The following RORA variants were observed in gnomAD, a reference collection of about 807,000 sequenced individuals.
RORA encodes nuclear receptor ROR-alpha.
RORA carries 7 observed loss-of-function variants against 69.5 expected under a neutral mutation model. That is an observed-to-expected ratio of 0.10 (90% CI 0.06 to 0.19). The LOEUF is 0.19. Ranked by LOEUF, RORA falls within the 10% of genes least tolerant of loss-of-function variation. RORA has a pLI of 1.00. For synonymous variants in RORA, 261 were observed against 240.8 expected (o/e 1.08, Z -0.78); for missense variants, 457 against 663.0 (o/e 0.69, Z 3.41).
At chr15:60,556,194 G>A (rs1229520202) in intron 2 of RORA, among the ~76,000 whole-genome samples, 1 of 152,154 alleles carries the variant, frequency 6.6e-6, no homozygotes, top group Non-Finnish European at 1.5e-5. Context: ...GGAAAAAACG[G>A]ATCTCATCCT....
chr15:60,772,055 A>T (rs928521508), intron 1 of RORA, among the ~76,000 whole-genome samples: 1 of 151,906 alleles, frequency 6.6e-6, no homozygotes, highest in Non-Finnish European at 1.5e-5. Context: ...ATTTATTTTT[A>T]TTTTTATTTA....
chr15:61,218,226 TTAA>T (rs2080059930), intron 1 of RORA, among the ~76,000 whole-genome samples: 1 of 150,942 alleles, frequency 6.6e-6, no homozygotes, highest in African/African-American at 2.4e-5. Flanking sequence ...CACAATGTAA[TTAA>T]TATGTTTTTC....
At chr15:60,498,477 AAAT>A (rs1024979765) in intron 10 of RORA, among the ~76,000 whole-genome samples, 11 of 152,240 alleles carry the variant, frequency 7.2e-5, no homozygotes, top group African/African-American at 2.7e-4. Flanking sequence ...GGTCTGAGCA[AAAT>A]AATAGAGTCA....
At chr15:60,826,601 C>G (rs947910821) in intron 1 of RORA, among the ~76,000 whole-genome samples, 2 of 151,482 alleles carry the variant, frequency 1.3e-5, no homozygotes, top group South Asian at 4.1e-4. Context: ...GCTCCTGCTA[C>G]TAAAACTCAT....
rs2071907952 is a variant in RORA, at chr15:60,762,408, A to G, written c.167-83722T>C. ...ATCAGATGTGAATAACTGAAGACAG[A>G]TGTGCTGTATTTCTATCAAACCAGA... On this transcript the variant is annotated intron_variant, in intron 1 of 10. Transcript: ENST00000335670. Among the ~76,000 whole-genome samples, 2 of 152,210 alleles carry G rather than the reference A, an allele frequency of 1.3e-5. 1 individual carries two copies. The highest frequency in any genetic ancestry group is 4.1e-4 in the South Asian group (2 of 4,832).
At chr15:60,656,826 G>A (rs761932341) in intron 2 of RORA, among the ~76,000 whole-genome samples, 7 of 152,194 alleles carry the variant, frequency 4.6e-5, no homozygotes, top group Non-Finnish European at 1.0e-4. Context: ...GGAGGCCAAG[G>A]CCTCTTTCCT....
intron 1 of RORA, among the ~76,000 whole-genome samples, chr15:60,817,378 T>C (rs2072832874): frequency 6.6e-6 from 1 of 152,248 alleles, no homozygotes; most frequent in Non-Finnish European, 1.5e-5. Flanking sequence ...GAGCACATGC[T>C]TTTGGAAAAA....
chr15:60,895,956 C>T (rs1891221778), intron 1 of RORA, among the ~76,000 whole-genome samples: 1 of 152,134 alleles, frequency 6.6e-6, no homozygotes, highest in Non-Finnish European at 1.5e-5. Context: ...ACTGCTAATC[C>T]CAAACCTTTT....
intron 1 of RORA, among the ~76,000 whole-genome samples, chr15:61,221,972 A>G (rs1187994291): frequency 6.6e-6 from 1 of 151,696 alleles, no homozygotes; most frequent in Non-Finnish European, 1.5e-5. Context: ...AAAAAAAAAA[A>G]CTAAAAAAAT....
chr15:60,653,894 G>A (rs1050106089), intron 2 of RORA, among the ~76,000 whole-genome samples: 2 of 151,948 alleles, frequency 1.3e-5, no homozygotes, highest in African/African-American at 4.8e-5. Context: ...GATACCCTAG[G>A]GTATCATGTT....
intron 1 of RORA, among the ~76,000 whole-genome samples, chr15:61,056,601 C>G (rs138789727): frequency 6.6e-6 from 1 of 152,190 alleles, no homozygotes; most frequent in Non-Finnish European, 1.5e-5. Flanking sequence ...ATGGACCATC[C>G]TTCAATCTGG....
At chr15:60,688,657 T>C (rs1326779591) in intron 1 of RORA, among the ~76,000 whole-genome samples, 2 of 152,174 alleles carry the variant, frequency 1.3e-5, no homozygotes, top group African/African-American at 4.8e-5. Context: ...CCTATGGTGA[T>C]GGATAATCTG....
intron 1 of RORA, among the ~76,000 whole-genome samples, chr15:60,849,737 G>A (rs1021100109): frequency 6.6e-6 from 1 of 152,210 alleles, no homozygotes; most frequent in Non-Finnish European, 1.5e-5. Context: ...CTACCATTGC[G>A]ATGTCTCTGA....
At chr15:60,570,187 T>C (rs1274148233) in intron 2 of RORA, among the ~76,000 whole-genome samples, 2 of 152,100 alleles carry the variant, frequency 1.3e-5, no homozygotes, top group Non-Finnish European at 2.9e-5. Context: ...TAAATATTTG[T>C]TGAGTAACTA....
chr15:60,707,739 T>C (rs890467791), intron 1 of RORA, among the ~76,000 whole-genome samples: 1 of 152,140 alleles, frequency 6.6e-6, no homozygotes, highest in African/African-American at 2.4e-5. Flanking sequence ...TTTAATAACC[T>C]CGTTGACCTC....
At chr15:60,773,773 A>G (rs1197247167) in intron 1 of RORA, among the ~76,000 whole-genome samples, 1 of 152,174 alleles carries the variant, frequency 6.6e-6, no homozygotes, top group East Asian at 1.9e-4. Context: ...AAGAAAGGTC[A>G]GGTCAGTATC....
chr15:60,958,049 C>T (rs750004566), intron 1 of RORA, among the ~76,000 whole-genome samples: 8 of 151,668 alleles, frequency 5.3e-5, no homozygotes, highest in Non-Finnish European at 1.2e-4. Flanking sequence ...TGTTCGTCTA[C>T]TTTATTTCTT....
chr15:60,533,675 A>G (rs887620611), intron 2 of RORA, among the ~76,000 whole-genome samples: 32 of 152,314 alleles, frequency 2.1e-4, no homozygotes, highest in African/African-American at 7.5e-4. Flanking sequence ...ATCAGCTGAG[A>G]GTTATTGCCT....
At chr15:60,525,682 C>T (rs2066330603) in intron 3 of RORA, among the ~76,000 whole-genome samples, 1 of 152,108 alleles carries the variant, frequency 6.6e-6, no homozygotes. Context: ...TTGTATTTTC[C>T]AGTACAACTA....
Sources: gnomAD v4.1 joint callset for allele counts (sites outside exome capture counted in the v4.1 genomes callset) on GRCh38, gnomAD v4.1.1 for gene constraint, MANE v1.5 for transcripts, NCBI Gene and HGNC (gene_info 2026-07-23, HGNC 2026-07-21) for gene names.